The following PRKCZ variants were observed in gnomAD, a reference collection of about 807,000 sequenced individuals.
The protein encoded by PRKCZ is protein kinase C zeta.
PRKCZ carries 33 observed loss-of-function variants against 79.5 expected under a neutral mutation model. The ratio of observed to expected loss-of-function variants is 0.41; its 90% CI spans 0.31 to 0.55. The LOEUF (loss-of-function observed/expected upper bound fraction) is 0.55, where lower values mean the gene tolerates loss of function less well. Ranked by LOEUF, PRKCZ falls within the 20% of genes least tolerant of loss-of-function variation. The pLI is 0.19. For missense variants in PRKCZ, 578 were observed against 813.5 expected (o/e 0.71, Z 3.52); for synonymous variants, 342 against 320.9 (o/e 1.07, Z -0.70).
intron 4 of PRKCZ, among the ~76,000 whole-genome samples, chr1:2,077,733 A>G (rs1260828842): frequency 1.3e-5 from 2 of 152,110 alleles, no homozygotes; most frequent in Non-Finnish European, 2.9e-5. Context: ...TTTGACATTT[A>G]TTTCCAGATT....
At chr1:2,060,506 G>A (rs559861626) in intron 4 of PRKCZ, among the ~76,000 whole-genome samples, 16 of 110,538 alleles carry the variant, frequency 1.4e-4, no homozygotes, top group South Asian at 6.8e-4. Context: ...CGAGAGTCTC[G>A]GCTTCCAGCG....
intron 16 of PRKCZ, among the ~76,000 whole-genome samples, chr1:2,181,258 C>T (rs1434562169): frequency 6.6e-6 from 1 of 152,222 alleles, no homozygotes; most frequent in Non-Finnish European, 1.5e-5. Flanking sequence ...GGGGCCTTTG[C>T]ACAGCTGTGC....
At chr1:2,084,088 C>T (rs773105390) in intron 4 of PRKCZ, among the ~76,000 whole-genome samples, 6 of 152,042 alleles carry the variant, frequency 3.9e-5, no homozygotes, top group African/African-American at 7.2e-5. Context: ...AAAAATTAGC[C>T]GGGCATGCAT....
intron 9 of PRKCZ, among the ~76,000 whole-genome samples, chr1:2,155,191 TGAA>T (rs1457419139): frequency 6.6e-6 from 1 of 150,800 alleles, no homozygotes; most frequent in Non-Finnish European, 1.5e-5. Flanking sequence ...GTGGTGGTGA[TGAA>T]GATGTTGATG....
chr1:2,068,443 C>T (rs1485069944), intron 4 of PRKCZ, among the ~76,000 whole-genome samples: 4 of 152,264 alleles, frequency 2.6e-5, no homozygotes, highest in Non-Finnish European at 5.9e-5. Context: ...ATCACTCCAG[C>T]CTCTGGCCTG....
chr1:2,157,102 G>T (rs372225952), intron 10 of PRKCZ, among the ~76,000 whole-genome samples: 4 of 152,230 alleles, frequency 2.6e-5, no homozygotes, highest in South Asian at 2.1e-4. Context: ...GAAGGCCTCA[G>T]AGCTAGGAGC....
intron 4 of PRKCZ, among the ~76,000 whole-genome samples, chr1:2,083,519 G>A (rs1663959824): frequency 6.6e-6 from 1 of 152,166 alleles, no homozygotes; most frequent in African/African-American, 2.4e-5. Flanking sequence ...TTAATGAAAA[G>A]TGACTATTTT....
intron 3 of PRKCZ, among the ~76,000 whole-genome samples, chr1:2,057,926 G>A (rs1660328592): frequency 6.6e-6 from 1 of 151,774 alleles, no homozygotes; most frequent in African/African-American, 2.4e-5. Context: ...GGAGTGCAGT[G>A]ACGCGATCTC....
rs543153777 is a variant in PRKCZ at position 2,075,375 on chromosome 1, G to C, written c.334+15784G>C. 6.6e-6 allele frequency: 1 copy of C among 152,294 alleles called. No homozygotes were observed. The allele number at this position is 152,294 out of a possible 1,614,324, so 9.4% of individuals were successfully genotyped here. A position where few individuals can be genotyped will look rare whatever the true frequency, so the allele number is the denominator to read the frequency against. On this transcript the variant is annotated intron_variant, in intron 4 of 17. Coordinates refer to ENST00000378567, the MANE Select transcript of PRKCZ (RefSeq NM_002744.6). The surrounding 1 kb of genome is among the most constrained non-coding windows in gnomAD (Gnocchi z 4.8). ...ACTGGCTTTTGGTCTGATGGCCCTC[G>C]GTGGGTGAGTCAGAGCTGGGATGGG...
intron 6 of PRKCZ, among the ~76,000 whole-genome samples, chr1:2,145,807 T>C (rs1678378555): frequency 6.6e-6 from 1 of 152,154 alleles, no homozygotes; most frequent in Non-Finnish European, 1.5e-5. Flanking sequence ...TGCCCGCTGC[T>C]CTGGAAGCTG....
rs950859430 is a variant in PRKCZ, at chr1:2,173,202, C to T, written c.1286-695C>T. ...CAGAATGGGTGTGGGGCAGGCAGGG[C>T]GGGCAGGTCACTCGCCGCTGGGATA... On this transcript the variant is annotated intron_variant, in intron 13 of 17. Coordinates refer to ENST00000378567, the MANE Select transcript of PRKCZ (RefSeq NM_002744.6). The surrounding 1 kb of genome is among the most constrained non-coding windows in gnomAD (Gnocchi z 5.7). Among the ~76,000 whole-genome samples, 1 of 152,104 alleles carries T rather than the reference C, an allele frequency of 6.6e-6. No homozygotes were observed. Among genetic ancestry groups the T allele is most frequent in the Non-Finnish European group, 1.5e-5 (1 of 68,008 alleles).
intron 10 of PRKCZ, among the ~76,000 whole-genome samples, chr1:2,158,029 G>A (rs913945172): frequency 6.6e-6 from 1 of 152,188 alleles, no homozygotes; most frequent in African/African-American, 2.4e-5. Context: ...TGCACTCTTG[G>A]CTCTCCTGAC....
chr1:2,147,604 C>T (rs931174090), intron 7 of PRKCZ, among the ~76,000 whole-genome samples: 1 of 151,982 alleles, frequency 6.6e-6, no homozygotes, highest in Admixed American at 6.6e-5. Flanking sequence ...ACTGACCTTT[C>T]CATCTATCCA....
chr1:2,177,649 C>A lies in PRKCZ; in HGVS notation c.1575+2336C>A, dbSNP rs1300617928. 6.6e-6 allele frequency among the ~76,000 whole-genome samples: 1 copy of A among 152,210 alleles called. No homozygotes were observed. Among genetic ancestry groups the A allele is most frequent in the Non-Finnish European group, 1.5e-5 (1 of 68,036 alleles). ...CCCTTGGCCTCTAGCTGGGAGAGGTCTGCGTCCCTGCAGCGAGCACGCCAG... is the reference window on the plus strand; with the variant it reads ...CCCTTGGCCTCTAGCTGGGAGAGGTATGCGTCCCTGCAGCGAGCACGCCAG... On this transcript the variant is annotated intron_variant, in intron 16 of 17. Transcript: ENST00000378567. This position sits in a 1 kb window ranked among gnomAD's most constrained non-coding sequence, Gnocchi z 6.4.
intron 4 of PRKCZ, among the ~76,000 whole-genome samples, chr1:2,086,253 G>T (rs1191162368): frequency 6.6e-6 from 1 of 151,812 alleles, no homozygotes; most frequent in Middle Eastern, 3.2e-3. Context: ...TAGAGACAGG[G>T]TTTCTCCATT....
chr1:2,104,742 A>AGGAC (rs1668078436), intron 4 of PRKCZ: 1 of 985,624 alleles, frequency 1.0e-6, no homozygotes, highest in African/African-American at 1.7e-5. Context: ...CCAGACAGGC[A>AGGAC]GGACGCAGCG....
rs182855348 is a variant in PRKCZ at position 2,104,762 on chromosome 1, G to T, written c.335-30500G>T. The T allele has an allele frequency of 2.6e-4, 258 of 985,850 alleles. No individual in the cohort carries two copies. In the African/African-American group the frequency reaches 4.3e-3, roughly 16 times the overall value. The allele number at this position is 985,850 out of a possible 1,614,324, so 61.1% of individuals were successfully genotyped here. A position where few individuals can be genotyped will look rare whatever the true frequency, so the allele number is the denominator to read the frequency against. On this transcript the variant is annotated intron_variant, in intron 4 of 17. Coordinates refer to ENST00000378567, the MANE Select transcript of PRKCZ (RefSeq NM_002744.6). ...CAGGCAGGACGCAGCGGGCTGGCCT[G>T]CGGGGCTCACTGCTGCCCCCCGGGG...
intron 4 of PRKCZ, among the ~76,000 whole-genome samples, chr1:2,102,721 A>G (rs940128131): frequency 1.3e-5 from 2 of 152,132 alleles, no homozygotes; most frequent in Non-Finnish European, 1.5e-5. Context: ...TCAACTTTGT[A>G]GAAAGAGATC....
chr1:2,074,043 G>T, intron 4 of PRKCZ: 1 of 1,445,096 alleles, frequency 6.9e-7, no homozygotes, highest in East Asian at 2.5e-5. Flanking sequence ...TTGGGTCTGA[G>T]TCCCGGCGTT....
Sources: gnomAD v4.1 joint callset for allele counts (sites outside exome capture counted in the v4.1 genomes callset) on GRCh38, gnomAD v4.1.1 for gene constraint, Gnocchi (gnomAD v3.1) non-coding constraint, MANE v1.5 for transcripts, NCBI Gene and HGNC (gene_info 2026-07-23, HGNC 2026-07-21) for gene names.